The following KLHL3 variants were observed in gnomAD, a reference collection of about 807,000 sequenced individuals.
KLHL3 encodes kelch-like protein 3.
Under a neutral mutation model 70.5 loss-of-function variants are expected in KLHL3, and 19 were observed. The ratio of observed to expected loss-of-function variants is 0.27; its 90% CI spans 0.19 to 0.40. The LOEUF (loss-of-function observed/expected upper bound fraction) is 0.40. Among genes scored for constraint, KLHL3 ranks in the 10% least tolerant of loss-of-function variants. The pLI is 1.00. For missense variants in KLHL3, 512 were observed against 771.1 expected, an observed-to-expected ratio of 0.66 and a Z score of 3.98; for synonymous variants, 258 against 290.3, an observed-to-expected ratio of 0.89 and a Z score of 1.13.
intron 5 of KLHL3, among the ~76,000 whole-genome samples, chr5:137,684,246 C>T (rs1752108576): frequency 2.0e-5 from 3 of 152,196 alleles, no homozygotes; most frequent in African/African-American, 7.2e-5. Context: ...GAGGCCATGC[C>T]TATGAATCAT....
intron 6 of KLHL3, among the ~76,000 whole-genome samples, chr5:137,664,341 C>A (rs377271474): frequency 6.6e-6 from 1 of 150,952 alleles, no homozygotes; most frequent in Non-Finnish European, 1.5e-5. Flanking sequence ...CGAAGTGAGA[C>A]CCTGTCTCAA....
chr5:137,622,690 G>A (rs966856281), intron 14 of KLHL3, among the ~76,000 whole-genome samples: 5 of 152,214 alleles, frequency 3.3e-5, no homozygotes, highest in Non-Finnish European at 5.9e-5. Flanking sequence ...GACCCTGCCA[G>A]TGTGACAATC....
At chr5:137,706,561 T>G (rs1158121920) in intron 3 of KLHL3, 1 of 164,380 alleles carries the variant, frequency 6.1e-6, no homozygotes, top group East Asian at 1.9e-4. Context: ...TAGGAATCTA[T>G]TCTAGTAAAA....
chr5:137,728,365 G>C (rs1753118144), intron 1 of KLHL3, among the ~76,000 whole-genome samples: 1 of 152,190 alleles, frequency 6.6e-6, no homozygotes, highest in African/African-American at 2.4e-5. Context: ...TTAATAGGTA[G>C]ATAAGTAAAT....
At position 137,666,359 on chromosome 5, in the gene KLHL3, C is replaced by T. The variant is rs571794126; in HGVS notation, c.637-4328G>A. ...TGCCTTGTATGTGGTTGGTTAGCCA[C>T]ACCTCTTTCTACTTCCCTTTATAGA... On this transcript the variant is annotated intron_variant, in intron 6 of 14. Coordinates refer to ENST00000309755, the MANE Select transcript of KLHL3 (RefSeq NM_017415.3). Among the ~76,000 whole-genome samples, 8 of 152,300 alleles carry T rather than the reference C, an allele frequency of 5.3e-5. No homozygotes were observed. In the South Asian group the frequency reaches 1.7e-3, roughly 32 times the overall value.
chr5:137,691,828 C>T (rs536784020), intron 5 of KLHL3, among the ~76,000 whole-genome samples: 31 of 151,878 alleles, frequency 2.0e-4, no homozygotes, highest in Admixed American at 5.2e-4. Context: ...CCGTGTTAGC[C>T]AGGATAGTCT....
At chr5:137,644,300 C>G (rs1182505000) in intron 8 of KLHL3, among the ~76,000 whole-genome samples, 2 of 152,170 alleles carry the variant, frequency 1.3e-5, no homozygotes. Flanking sequence ...GAACTCCTGA[C>G]CTAAGGTGAT....
At chr5:137,695,055 GAC>G (rs1355489800) in intron 4 of KLHL3, among the ~76,000 whole-genome samples, 1 of 152,110 alleles carries the variant, frequency 6.6e-6, no homozygotes, top group African/African-American at 2.4e-5. Flanking sequence ...TCATGCCAGT[GAC>G]ACACAGTCCC....
At chr5:137,689,103 G>C (rs1020495996) in intron 5 of KLHL3, among the ~76,000 whole-genome samples, 1 of 152,190 alleles carries the variant, frequency 6.6e-6, no homozygotes, top group Non-Finnish European at 1.5e-5. Context: ...ATTCACATTA[G>C]AGAAATGCAC....
At chr5:137,710,016 T>C (rs996267455) in intron 2 of KLHL3, among the ~76,000 whole-genome samples, 160 bp from the exon 3 acceptor site, 10 of 152,182 alleles carry the variant, frequency 6.6e-5, no homozygotes, top group Non-Finnish European at 1.3e-4. Context: ...GGTGGATTCA[T>C]TGACTTTTCC....
chr5:137,674,959 GATCA>G (rs1291952848), intron 6 of KLHL3, among the ~76,000 whole-genome samples: 1 of 152,142 alleles, frequency 6.6e-6, no homozygotes, highest in Non-Finnish European at 1.5e-5. Context: ...AGCAAGACAT[GATCA>G]ATTATGGAGA....
chr5:137,710,404 A>G (rs1450684322), intron 2 of KLHL3, among the ~76,000 whole-genome samples: 1 of 152,216 alleles, frequency 6.6e-6, no homozygotes, highest in Non-Finnish European at 1.5e-5. Context: ...CTGCAAACAC[A>G]GTGCTCCCTA....
At position 137,639,673 on chromosome 5, in the gene KLHL3, G is replaced by A. The variant is rs1750860267; in HGVS notation, c.1021+187C>T. ...CATGACACTGCACTCCAACCTGGGT[G>A]ACAGAGAAAGACTCTGTCTTAAAAC... On this transcript the variant is annotated intron_variant, in intron 9 of 14. Transcript: ENST00000309755. The surrounding 1 kb of genome is among the most constrained non-coding windows in gnomAD (Gnocchi z 5.0). Among the ~76,000 whole-genome samples, 1 of 146,336 alleles carries A rather than the reference G, an allele frequency of 6.8e-6. No homozygotes were observed. The highest frequency in any genetic ancestry group is 1.5e-5 in the Non-Finnish European group (1 of 67,296).
rs1444171456 is a variant in KLHL3, at chr5:137,659,921, T to C, written c.754-1641A>G. Reference sequence around the variant, plus strand: ...GAGTAAAAGCCTAATAAATGCTACCTTTTGTGAAAGAAAAAAAAACCTCCC... The same window carrying C: ...GAGTAAAAGCCTAATAAATGCTACCCTTTGTGAAAGAAAAAAAAACCTCCC... On this transcript the variant is annotated intron_variant, in intron 7 of 14. Coordinates refer to ENST00000309755, the MANE Select transcript of KLHL3 (RefSeq NM_017415.3). 2.6e-5 allele frequency among the ~76,000 whole-genome samples: 4 copies of C among 152,178 alleles called. No individual in the cohort carries two copies. In the East Asian group the frequency reaches 5.8e-4, roughly 22 times the overall value.
chr5:137,713,879 T>G (rs939912331), intron 2 of KLHL3, among the ~76,000 whole-genome samples: 1 of 152,306 alleles, frequency 6.6e-6, no homozygotes, highest in Middle Eastern at 3.4e-3. Context: ...ACAAGAGATT[T>G]TTTTTATTAT....
intron 4 of KLHL3, among the ~76,000 whole-genome samples, chr5:137,697,914 T>C (rs1450185287): frequency 3.3e-5 from 5 of 152,244 alleles, no homozygotes; most frequent in African/African-American, 1.2e-4. Flanking sequence ...CCAAAAGTTA[T>C]TCACCTGTTT....
chr5:137,678,172 T>C (rs1434596813), intron 5 of KLHL3, among the ~76,000 whole-genome samples: 4 of 152,132 alleles, frequency 2.6e-5, no homozygotes, highest in African/African-American at 9.7e-5. Context: ...AAGCCTACTA[T>C]TGTGAGTCTC....
At chr5:137,629,967 C>T (rs1580717150) in intron 12 of KLHL3, 1 of 152,352 alleles carries the variant, frequency 6.6e-6, no homozygotes, top group East Asian at 1.9e-4. Flanking sequence ...CTAGTGCAGC[C>T]TCATCCATAA....
chr5:137,635,723 A>C (rs1166413643), intron 11 of KLHL3, among the ~76,000 whole-genome samples: 1 of 152,188 alleles, frequency 6.6e-6, no homozygotes, highest in African/African-American at 2.4e-5. Flanking sequence ...CAGGGTGCCC[A>C]CAGCTGAAAG....
Sources: allele counts gnomAD v4.1 joint callset (sites outside exome capture counted in the v4.1 genomes callset), GRCh38; gene constraint gnomAD v4.1.1; non-coding constraint Gnocchi (gnomAD v3.1); transcripts MANE v1.5; gene names NCBI Gene and HGNC (gene_info 2026-07-23, HGNC 2026-07-21).